The following GGACT variants were observed in gnomAD, a reference collection of about 807,000 sequenced individuals.
GGACT encodes the protein gamma-glutamylamine cyclotransferase.
For missense variants in GGACT, 241 were observed against 233.2 expected (o/e 1.03, Z -0.22); for synonymous variants, 118 against 115.3 (o/e 1.02, Z -0.15).
At chr13:100,539,025 G>T (rs971086155) in intron 2 of GGACT, 4 of 152,246 alleles carry the variant, frequency 2.6e-5, no homozygotes, top group Admixed American at 6.5e-5. Context: ...TATTGTTAGT[G>T]TATAAAAATG....
chr13:100,554,924 C>G (rs2153014595), intron 2 of GGACT, among the ~76,000 whole-genome samples: 1 of 152,228 alleles, frequency 6.6e-6, no homozygotes, highest in Admixed American at 6.5e-5. Context: ...TAATGAACAA[C>G]ATTATACCAA....
intron 2 of GGACT, among the ~76,000 whole-genome samples, chr13:100,552,619 T>G (rs1338370831): frequency 1.3e-5 from 2 of 152,162 alleles, no homozygotes; most frequent in African/African-American, 2.4e-5. Context: ...AAGCTAGATG[T>G]AAAGGTTTTC....
chr13:100,546,441 T>C (rs1381590405), intron 2 of GGACT, among the ~76,000 whole-genome samples: 1 of 142,744 alleles, frequency 7.0e-6, no homozygotes, highest in Non-Finnish European at 1.5e-5. Flanking sequence ...ACGAGTTAAA[T>C]GCACTGAAAC....
At chr13:100,586,507 G>C (rs1308110488) in intron 1 of GGACT, among the ~76,000 whole-genome samples, 1 of 119,306 alleles carries the variant, frequency 8.4e-6, no homozygotes, top group African/African-American at 3.3e-5. Flanking sequence ...CTCCTCTCGC[G>C]GAGTCCAGCC....
rs1487943357 is a variant in GGACT, at chr13:100,530,640, T to A, written c.*1490A>T. ...CTAGAAGTGAGGCCCTCACTCCTGG[T>A]GCTGATTTTCAAAACTTCCTAAGGA... On this transcript the variant is annotated 3_prime_UTR_variant, in exon 3 of 3. Coordinates refer to ENST00000683975, the MANE Select transcript of GGACT (RefSeq NM_001195087.2). 4.1e-6 allele frequency: 1 copy of A among 245,444 alleles called. No homozygotes were observed. The highest frequency in any genetic ancestry group is 7.9e-6 in the Non-Finnish European group (1 of 125,872). The allele number at this position is 245,444 out of a possible 1,614,324, so 15.2% of individuals were successfully genotyped here.
At position 100,557,179 on chromosome 13, in the gene GGACT, C is replaced by A. The variant is rs374669526; in HGVS notation, c.-10-24578G>T. On this transcript the variant is annotated intron_variant, in intron 2 of 2. Coordinates refer to ENST00000683975, the MANE Select transcript of GGACT (RefSeq NM_001195087.2). Reference sequence around the variant, plus strand: ...GTGCTGGGATTACAGGCTTTAGCCACCATGCCCAGCCCGAAGTTTCTATTT... The same window carrying A: ...GTGCTGGGATTACAGGCTTTAGCCAACATGCCCAGCCCGAAGTTTCTATTT... Among the ~76,000 whole-genome samples, 162 of 152,346 alleles carry A rather than the reference C, an allele frequency of 1.1e-3. 1 individual carries two copies. The highest frequency in any genetic ancestry group is 3.7e-3 in the African/African-American group (155 of 41,572).
chr13:100,568,198 A>G (rs1406706229), intron 2 of GGACT, among the ~76,000 whole-genome samples: 1 of 152,218 alleles, frequency 6.6e-6, no homozygotes, highest in Non-Finnish European at 1.5e-5. Context: ...CACTTTTTAT[A>G]TTTATTGGCC....
chr13:100,569,701 T>C (rs1450594014), intron 2 of GGACT, among the ~76,000 whole-genome samples: 1 of 152,248 alleles, frequency 6.6e-6, no homozygotes, highest in Non-Finnish European at 1.5e-5. Flanking sequence ...CTTGAATTTC[T>C]CCCCAGAAAA....
At chr13:100,572,409 G>A (rs1340878822) in intron 2 of GGACT, among the ~76,000 whole-genome samples, 2 of 152,014 alleles carry the variant, frequency 1.3e-5, no homozygotes, top group Non-Finnish European at 2.9e-5. Flanking sequence ...GGGAAAATGG[G>A]GAGTTGTTTA....
chr13:100,587,650 CCTA>C (rs1297035147), intron 1 of GGACT, among the ~76,000 whole-genome samples: 1 of 151,740 alleles, frequency 6.6e-6, no homozygotes, highest in African/African-American at 2.4e-5. Flanking sequence ...GTGTGTAAGA[CCTA>C]CACTTTAAAT....
intron 1 of GGACT, among the ~76,000 whole-genome samples, chr13:100,585,211 C>T (rs1236350568): frequency 1.3e-5 from 2 of 152,224 alleles, no homozygotes; most frequent in South Asian, 2.1e-4. Context: ...TGAGGAAACC[C>T]GCCAAGGCTG....
intron 2 of GGACT, among the ~76,000 whole-genome samples, chr13:100,572,701 G>C (rs540017442): frequency 6.6e-6 from 1 of 152,228 alleles, no homozygotes; most frequent in Admixed American, 6.5e-5. Context: ...AGAGTAGCTG[G>C]GACTACAGGC....
intron 2 of GGACT, among the ~76,000 whole-genome samples, chr13:100,564,006 C>T (rs965820041): frequency 1.3e-5 from 2 of 152,142 alleles, no homozygotes; most frequent in African/African-American, 4.8e-5. Flanking sequence ...GGGGCAGTCT[C>T]GGTGCCTGTG....
intron 2 of GGACT, among the ~76,000 whole-genome samples, chr13:100,569,237 C>A (rs1453529673): frequency 1.3e-5 from 2 of 152,254 alleles, no homozygotes; most frequent in Admixed American, 1.3e-4. Context: ...CCCTTCTGCA[C>A]TGCCCTAGCA....
chr13:100,532,283 C>CG lies in GGACT; in HGVS notation c.308dup (p.Ala105ArgfsTer31). On this transcript the variant is annotated frameshift_variant, in exon 3 of 3. Coordinates refer to ENST00000683975, the MANE Select transcript of GGACT (RefSeq NM_001195087.2). LOFTEE classifies it low-confidence loss of function (END_TRUNC). ...TGGGCGCTGGCGGCTCCTCTGCGCC[C>CG]GGGGCCCGGTCCTCCAGCAGCTGTA... The CG allele has an allele frequency of 6.5e-7, 1 of 1,538,236 alleles. No individual in the cohort carries two copies. Among genetic ancestry groups the CG allele is most frequent in the Non-Finnish European group, 8.8e-7 (1 of 1,137,576 alleles).
At chr13:100,570,359 G>A (rs774564367) in intron 2 of GGACT, among the ~76,000 whole-genome samples, 2 of 152,120 alleles carry the variant, frequency 1.3e-5, no homozygotes, top group Non-Finnish European at 2.9e-5. Flanking sequence ...TGGCGGAAGG[G>A]GAAGCAAACA....
intron 2 of GGACT, among the ~76,000 whole-genome samples, chr13:100,551,902 T>C (rs1290521326): frequency 6.6e-6 from 1 of 152,134 alleles, no homozygotes; most frequent in Non-Finnish European, 1.5e-5. Context: ...GCAAGACCAG[T>C]ACAAAGAGGT....
At chr13:100,573,116 G>A (rs1305594293) in intron 2 of GGACT, among the ~76,000 whole-genome samples, 1 of 152,156 alleles carries the variant, frequency 6.6e-6, no homozygotes, top group Non-Finnish European at 1.5e-5. Context: ...AGAAGAGTGG[G>A]AGAGAAGCGG....
At chr13:100,559,425 G>A (rs574429483) in intron 2 of GGACT, among the ~76,000 whole-genome samples, 1 of 152,284 alleles carries the variant, frequency 6.6e-6, no homozygotes, top group African/African-American at 2.4e-5. Flanking sequence ...GACCTCAGGT[G>A]ATCTACCCCC....
Sources: allele counts gnomAD v4.1 joint callset (sites outside exome capture counted in the v4.1 genomes callset), GRCh38; gene constraint gnomAD v4.1.1; transcripts MANE v1.5; gene names NCBI Gene and HGNC (gene_info 2026-07-23, HGNC 2026-07-21).